The following LRBA variants were observed in gnomAD, a reference collection of about 807,000 sequenced individuals.
LRBA encodes lipopolysaccharide-responsive and beige-like anchor protein.
In LRBA, 176 loss-of-function variants were observed where a neutral mutation model predicts 330.0. The observed-to-expected ratio is 0.53, with a 90% CI of 0.47 to 0.60. LRBA has a LOEUF of 0.60. Ranked by LOEUF, LRBA falls within the 20% of genes least tolerant of loss-of-function variation. The pLI is 0.00. For synonymous variants in LRBA, 1,230 were observed against 1,193.0 expected (o/e 1.03, Z -0.64); for missense variants, 3,259 against 3,444.8 (o/e 0.95, Z 1.35).
At chr4:150,338,964 T>TAC (rs1491562537) in intron 48 of LRBA, among the ~76,000 whole-genome samples, 3 of 41,220 alleles carry the variant, frequency 7.3e-5, no homozygotes, top group Non-Finnish European at 1.4e-4. Flanking sequence ...ACTATTTAAT[T>TAC]ATACACACAC....
chr4:150,350,820 C>T (rs1180005291), intron 47 of LRBA, among the ~76,000 whole-genome samples: 2 of 152,088 alleles, frequency 1.3e-5, no homozygotes, highest in Non-Finnish European at 2.9e-5. Flanking sequence ...AAGGCAAAGA[C>T]TATTTTGGGA....
At chr4:150,339,900 T>C (rs1373165905) in intron 48 of LRBA, among the ~76,000 whole-genome samples, 1 of 149,154 alleles carries the variant, frequency 6.7e-6, no homozygotes. Flanking sequence ...CCTACCCAAA[T>C]CTCATCTTGA....
In LRBA at chr4:150,926,533, A is replaced by G. The variant is rs545878563; in HGVS notation, c.549+1983T>C. ...TCTTAAAAGGAATATGACAAAATCC[A>G]ACACTCAGCAACATAAAATTTGCTA... is the stretch of plus-strand genomic sequence containing the variant. On this transcript the variant is annotated intron_variant, in intron 4 of 56. Coordinates refer to ENST00000651943, the MANE Select transcript of LRBA (RefSeq NM_001364905.1). Among the ~76,000 whole-genome samples, 7 of 152,366 alleles carry G rather than the reference A, an allele frequency of 4.6e-5. No individual in the cohort carries two copies. The East Asian group carries it at 1.3e-3, about 29-fold the overall frequency.
At chr4:150,513,460 A>G (rs1427454592) in intron 40 of LRBA, among the ~76,000 whole-genome samples, 1 of 152,202 alleles carries the variant, frequency 6.6e-6, no homozygotes, top group African/African-American at 2.4e-5. Flanking sequence ...CTCACTGGGA[A>G]CACAGCATCC....
chr4:150,364,104 T>C (rs1739097605), intron 47 of LRBA, among the ~76,000 whole-genome samples: 1 of 152,166 alleles, frequency 6.6e-6, no homozygotes, highest in African/African-American at 2.4e-5. Context: ...TTCTCTTCAA[T>C]AGTGTCCAGA....
chr4:150,909,783 G>A (rs772715558), intron 9 of LRBA, among the ~76,000 whole-genome samples: 19 of 152,016 alleles, frequency 1.2e-4, no homozygotes, highest in Non-Finnish European at 2.6e-4. Flanking sequence ...CCTCAACAGT[G>A]CACAAAGGTA....
chr4:150,400,413 G>T (rs1745304849), intron 47 of LRBA, among the ~76,000 whole-genome samples: 1 of 152,058 alleles, frequency 6.6e-6, no homozygotes, highest in African/African-American at 2.4e-5. Flanking sequence ...AAAAAACCTG[G>T]ATCAAAAATT....
chr4:150,283,072 A>C (rs918025010), intron 54 of LRBA, among the ~76,000 whole-genome samples: 5 of 152,240 alleles, frequency 3.3e-5, no homozygotes, highest in Non-Finnish European at 7.3e-5. Flanking sequence ...CCCAACGGCC[A>C]CGGCACTGTG....
At chr4:150,456,913 T>C (rs1159910164) in intron 44 of LRBA, among the ~76,000 whole-genome samples, 1 of 152,142 alleles carries the variant, frequency 6.6e-6, no homozygotes, top group Non-Finnish European at 1.5e-5. Context: ...CCAGCACTAT[T>C]TATTGAAGAG....
In LRBA at chr4:150,754,539, A is replaced by AG. The variant is rs1471155186; in HGVS notation, c.5645+7243_5645+7244insC. Among the ~76,000 whole-genome samples, 13 of 146,088 alleles carry AG rather than the reference A, an allele frequency of 8.9e-5. No individual in the cohort carries two copies. In the South Asian group the frequency reaches 9.2e-4, roughly 10 times the overall value. On this transcript the variant is annotated intron_variant, in intron 35 of 56. Coordinates refer to ENST00000651943, the MANE Select transcript of LRBA (RefSeq NM_001364905.1). ...GTCTCACCAAAAAAAAAAAAAAAAAAAAAGAGAGAGAGAGAGATAAAGTCT... is the reference window on the plus strand; with the variant it reads ...GTCTCACCAAAAAAAAAAAAAAAAAAGAAAGAGAGAGAGAGAGATAAAGTCT...
At chr4:150,430,060 C>CTA (rs1283222558) in intron 46 of LRBA, among the ~76,000 whole-genome samples, 2 of 151,848 alleles carry the variant, frequency 1.3e-5, no homozygotes, top group Non-Finnish European at 2.9e-5. Flanking sequence ...TTCTTCTGTG[C>CTA]TATATATATA....
At chr4:150,656,407 G>A (rs1780193610) in intron 37 of LRBA, among the ~76,000 whole-genome samples, 1 of 152,080 alleles carries the variant, frequency 6.6e-6, no homozygotes, top group African/African-American at 2.4e-5. Context: ...GTGTTGTTGT[G>A]GGTTTTGTTT....
intron 40 of LRBA, among the ~76,000 whole-genome samples, chr4:150,552,851 C>T (rs867426741): frequency 1.3e-5 from 2 of 151,932 alleles, no homozygotes; most frequent in Middle Eastern, 3.4e-3. Flanking sequence ...GGGCAGATCA[C>T]GAGGTCAGGA....
chr4:150,906,628 T>C (rs1411881015), intron 11 of LRBA, among the ~76,000 whole-genome samples: 3 of 152,132 alleles, frequency 2.0e-5, no homozygotes, highest in Non-Finnish European at 4.4e-5. Context: ...CTCAAACACA[T>C]TGATAGGTGA....
chr4:150,974,499 A>G (rs1739932937), intron 2 of LRBA, among the ~76,000 whole-genome samples: 1 of 152,246 alleles, frequency 6.6e-6, no homozygotes, highest in Admixed American at 6.5e-5. Context: ...CAAAGTGGAA[A>G]GATCTCAAAC....
At chr4:150,461,990 C>A (rs1414962553) in intron 44 of LRBA, among the ~76,000 whole-genome samples, 2 of 151,808 alleles carry the variant, frequency 1.3e-5, no homozygotes, top group Admixed American at 1.3e-4. Context: ...AGCCCTGGTA[C>A]TGAAAAACTC....
chr4:150,720,599 A>G (rs1335180267), intron 36 of LRBA, among the ~76,000 whole-genome samples: 1 of 152,172 alleles, frequency 6.6e-6, no homozygotes, highest in Non-Finnish European at 1.5e-5. Flanking sequence ...ATAGATGTGA[A>G]AGACAAACAT....
At chr4:150,493,619 T>C (rs912117173) in intron 40 of LRBA, among the ~76,000 whole-genome samples, 3 of 152,168 alleles carry the variant, frequency 2.0e-5, no homozygotes, top group Non-Finnish European at 2.9e-5. Flanking sequence ...ATGGTAACAA[T>C]TGGCATGCAC....
intron 30 of LRBA, among the ~76,000 whole-genome samples, chr4:150,819,002 C>G (rs1357386992): frequency 1.3e-5 from 2 of 151,910 alleles, no homozygotes. Context: ...CTGGAAATAG[C>G]CCAAATGTCC....
Sources: gnomAD v4.1 joint callset for allele counts (sites outside exome capture counted in the v4.1 genomes callset) on GRCh38, gnomAD v4.1.1 for gene constraint, MANE v1.5 for transcripts, NCBI Gene and HGNC (gene_info 2026-07-23, HGNC 2026-07-21) for gene names.